Variants in OSBP observed in about 807,000 individuals in gnomAD.
OSBP encodes the protein oxysterol-binding protein 1.
In OSBP, 32 loss-of-function variants were observed where a neutral mutation model predicts 96.6. The observed-to-expected ratio is 0.33, with a 90% CI of 0.25 to 0.45. OSBP has a LOEUF of 0.45. OSBP is among the 20% of genes least tolerant of loss of function. OSBP has a pLI of 1.00. For synonymous variants in OSBP, 369 were observed against 389.6 expected, an observed-to-expected ratio of 0.95 and a Z score of 0.62; for missense variants, 653 against 1,029.7, an observed-to-expected ratio of 0.63 and a Z score of 5.01.
At chr11:59,614,177 C>T (rs541584038) in intron 1 of OSBP, among the ~76,000 whole-genome samples, 3 of 152,198 alleles carry the variant, frequency 2.0e-5, no homozygotes, top group South Asian at 2.1e-4. Context: ...TGTAACTGAC[C>T]GATTCATTTC....
rs973362622 is a variant in OSBP at position 59,576,055 on chromosome 11, C to G, written c.*522G>C. ...TGGACACTCCATTAAACCGACCCCG[C>G]GTGTGAACACACTTGATGATGTTAT... On this transcript the variant is annotated 3_prime_UTR_variant, in exon 14 of 14. Transcript: ENST00000263847. 2 of 154,074 alleles carry G rather than the reference C, an allele frequency of 1.3e-5. No individual in the cohort carries two copies. The highest frequency in any genetic ancestry group is 4.8e-5 in the African/African-American group (2 of 41,462). The allele number at this position is 154,074 out of a possible 1,614,324, so 9.5% of individuals were successfully genotyped here.
chr11:59,609,039 C>T (rs140566683), intron 2 of OSBP, among the ~76,000 whole-genome samples: 20 of 152,330 alleles, frequency 1.3e-4, no homozygotes, highest in Admixed American at 1.2e-3. Flanking sequence ...AACTGACACA[C>T]ACTGAAGTTT....
intron 12 of OSBP, among the ~76,000 whole-genome samples, chr11:59,577,551 G>A (rs1427743414): frequency 1.3e-5 from 2 of 152,060 alleles, no homozygotes; most frequent in Admixed American, 6.6e-5. Flanking sequence ...GGAGTGCAGT[G>A]GCATGACCTC....
chr11:59,593,707 A>C lies in OSBP; in HGVS notation c.1575T>G (p.Pro525=), dbSNP rs2134663409. Reference sequence around the variant, plus strand: ...TGGACTCAGCATGGTGCGCAGCAGCAGGGGGATGATGACTCACCTTGAAGA... The same window carrying C: ...TGGACTCAGCATGGTGCGCAGCAGCCGGGGGATGATGACTCACCTTGAAGA... ...SLCEQVSHHP[P]AAAHHAESKN... Residue 525 remains proline, a synonymous_variant, in exon 9 of 14, where the codon CCT becomes CCG. Coordinates refer to ENST00000263847, the MANE Select transcript of OSBP (RefSeq NM_002556.3). 1 of 1,614,136 alleles carries C rather than the reference A, an allele frequency of 6.2e-7. No homozygotes were observed. The highest frequency in any genetic ancestry group is 1.1e-5 in the South Asian group (1 of 91,084).
At chr11:59,587,891 A>G (rs1351489789) in intron 9 of OSBP, among the ~76,000 whole-genome samples, 1 of 152,076 alleles carries the variant, frequency 6.6e-6, no homozygotes, top group Admixed American at 6.5e-5. Context: ...TTTTTTTCTT[A>G]AGACTTTAGG....
intron 9 of OSBP, among the ~76,000 whole-genome samples, chr11:59,593,212 G>T (rs984527748): frequency 2.6e-5 from 4 of 152,138 alleles, no homozygotes; most frequent in South Asian, 4.1e-4. Context: ...GAAAGCGGAA[G>T]GATTAGCTAA....
At chr11:59,580,921 G>C (rs944798833) in intron 10 of OSBP, among the ~76,000 whole-genome samples, 1 of 152,192 alleles carries the variant, frequency 6.6e-6, no homozygotes, top group Non-Finnish European at 1.5e-5. Context: ...TCAGAAGACA[G>C]TATACCCTCT....
At chr11:59,598,497 C>T (rs766337930) in intron 7 of OSBP, among the ~76,000 whole-genome samples, 1 of 152,230 alleles carries the variant, frequency 6.6e-6, no homozygotes. Context: ...CAGAAGTCTT[C>T]ATTTCTAGCC....
intron 3 of OSBP, 55 bp downstream of exon 3, chr11:59,608,429 T>C: frequency 6.2e-7 from 1 of 1,609,994 alleles, no homozygotes; most frequent in Admixed American, 1.7e-5. Flanking sequence ...TGGGGAGAAT[T>C]ATGTTTCAAA....
At chr11:59,587,228 C>T (rs989272960) in intron 9 of OSBP, among the ~76,000 whole-genome samples, 1 of 152,074 alleles carries the variant, frequency 6.6e-6, no homozygotes, top group East Asian at 1.9e-4. Context: ...AGGCTGGGTA[C>T]GGCAGCTCAC....
At position 59,576,574 on chromosome 11, in the gene OSBP, G is replaced by T. The variant is rs375246953; in HGVS notation, c.*3C>A. The T allele has an allele frequency of 6.8e-6, 11 of 1,609,378 alleles. No individual in the cohort carries two copies. In the South Asian group the frequency reaches 1.1e-4, roughly 16 times the overall value. Reference sequence around the variant, plus strand: ...TATGCTCCTCTTTTTTGTTACTGCCGTTTCAGAAAATGTCCGGGCATGAGC... The same window carrying T: ...TATGCTCCTCTTTTTTGTTACTGCCTTTTCAGAAAATGTCCGGGCATGAGC... On this transcript the variant is annotated 3_prime_UTR_variant, in exon 14 of 14. Coordinates refer to ENST00000263847, the MANE Select transcript of OSBP (RefSeq NM_002556.3).
chr11:59,614,891 C>A (rs1860902121), intron 1 of OSBP, among the ~76,000 whole-genome samples: 1 of 152,246 alleles, frequency 6.6e-6, no homozygotes, highest in African/African-American at 2.4e-5. Flanking sequence ...CAACTTGGGA[C>A]TTCCACTGTA....
At chr11:59,613,335 G>A (rs1418929140) in intron 1 of OSBP, among the ~76,000 whole-genome samples, 3 of 152,298 alleles carry the variant, frequency 2.0e-5, no homozygotes, top group Non-Finnish European at 2.9e-5. Context: ...GCTCTTGTAA[G>A]GGAGAAGTTA....
chr11:59,613,121 A>G (rs1286754917), intron 1 of OSBP, among the ~76,000 whole-genome samples: 1 of 152,240 alleles, frequency 6.6e-6, no homozygotes, highest in Non-Finnish European at 1.5e-5. Context: ...TCCTGCAGGA[A>G]AAAATAAACT....
intron 9 of OSBP, among the ~76,000 whole-genome samples, chr11:59,593,281 A>C (rs192146728): frequency 1.7e-3 from 256 of 152,302 alleles, no homozygotes; most frequent in Admixed American, 2.7e-3. Flanking sequence ...CTGCCAAAGT[A>C]AGGAAGAAAA....
At chr11:59,591,354 C>T (rs961594246) in intron 9 of OSBP, among the ~76,000 whole-genome samples, 1 of 151,984 alleles carries the variant, frequency 6.6e-6, no homozygotes, top group African/African-American at 2.4e-5. Flanking sequence ...TTATTGTTAT[C>T]TTTTAGATGA....
intron 3 of OSBP, among the ~76,000 whole-genome samples, chr11:59,607,964 T>A (rs1407724601): frequency 6.6e-6 from 1 of 152,178 alleles, no homozygotes; most frequent in Non-Finnish European, 1.5e-5. Flanking sequence ...ACTATAAGGT[T>A]CTCACTAGTA....
At chr11:59,584,879 T>G (rs190106867) in intron 9 of OSBP, among the ~76,000 whole-genome samples, 2 of 152,156 alleles carry the variant, frequency 1.3e-5, no homozygotes, top group African/African-American at 4.8e-5. Context: ...TGATCTCATA[T>G]GTGAACATGC....
At chr11:59,615,238 G>T in intron 1 of OSBP, 65 bp downstream of exon 1, 1 of 1,377,328 alleles carries the variant, frequency 7.3e-7, no homozygotes, top group South Asian at 1.2e-5. Context: ...CGGTAATGCC[G>T]GAGCTGGGAC....
Sources: gnomAD v4.1 joint callset for allele counts (sites outside exome capture counted in the v4.1 genomes callset) on GRCh38, gnomAD v4.1.1 for gene constraint, MANE v1.5 for transcripts, NCBI Gene and HGNC (gene_info 2026-07-23, HGNC 2026-07-21) for gene names.